Variants in GRIK1 observed in about 807,000 individuals in gnomAD.
The protein encoded by GRIK1 is glutamate receptor ionotropic, kainate 1.
A neutral mutation model predicts 105.7 loss-of-function variants in GRIK1; 69 were observed. The observed-to-expected ratio is 0.65, with a 90% CI of 0.54 to 0.80. GRIK1 has a LOEUF of 0.80. Ranked by LOEUF, GRIK1 falls within the 30% of genes least tolerant of loss-of-function variation. The pLI is 0.00. For synonymous variants in GRIK1, 438 were observed against 431.3 expected (o/e 1.02, Z -0.19); for missense variants, 1,109 against 1,167.3 (o/e 0.95, Z 0.73).
intron 1 of GRIK1, among the ~76,000 whole-genome samples, chr21:29,914,859 A>T (rs2070939223): frequency 6.6e-6 from 1 of 152,084 alleles, no homozygotes; most frequent in African/African-American, 2.4e-5. Flanking sequence ...CATTGAGATC[A>T]GGGTGTTCTT....
chr21:29,581,813 G>C (rs2091029266), intron 12 of GRIK1, among the ~76,000 whole-genome samples: 2 of 152,082 alleles, frequency 1.3e-5, no homozygotes, highest in African/African-American at 2.4e-5. Context: ...GAATTCTTCT[G>C]AGTTTTCATT....
At chr21:29,888,679 T>C (rs1265950326) in intron 1 of GRIK1, among the ~76,000 whole-genome samples, 1 of 152,206 alleles carries the variant, frequency 6.6e-6, no homozygotes, top group Non-Finnish European at 1.5e-5. Flanking sequence ...CAGTCAACTA[T>C]GCAATAATTG....
Position 29,583,938 on chromosome 21 carries a change from C to T in GRIK1, c.1794-2395G>A, listed in dbSNP as rs535346923. On this transcript the variant is annotated intron_variant, in intron 12 of 17. Coordinates refer to ENST00000327783, the MANE Select transcript of GRIK1 (RefSeq NM_001330994.2). ...TATATGACCTACACCAAAGATAATC[C>T]GAAACTGCTATCCCCAAATGACTCT... 5.3e-5 allele frequency among the ~76,000 whole-genome samples: 8 copies of T among 152,174 alleles called. No individual in the cohort carries two copies. The South Asian group carries it at 6.2e-4, about 12-fold the overall frequency.
At chr21:29,767,905 T>A (rs1385341092) in intron 1 of GRIK1, among the ~76,000 whole-genome samples, 2 of 146,290 alleles carry the variant, frequency 1.4e-5, no homozygotes, top group South Asian at 4.3e-4. Flanking sequence ...TGTGTGTGTA[T>A]GTATTCCATG....
At chr21:29,586,863 G>A (rs1309857803) in intron 12 of GRIK1, among the ~76,000 whole-genome samples, 2 of 152,050 alleles carry the variant, frequency 1.3e-5, no homozygotes, top group African/African-American at 2.4e-5. Context: ...ACTTTCTCAT[G>A]CCTTTAAAAA....
chr21:29,867,843 G>A (rs366312), intron 1 of GRIK1, among the ~76,000 whole-genome samples: 1,671 of 121,142 alleles, frequency 0.014, 35 homozygotes, highest in African/African-American at 0.029. Context: ...AAAGAAAGAA[G>A]GAAGGAAAGA....
intron 7 of GRIK1, among the ~76,000 whole-genome samples, chr21:29,612,424 G>A (rs1046570768): frequency 1.3e-5 from 2 of 152,158 alleles, no homozygotes; most frequent in African/African-American, 4.8e-5. Flanking sequence ...GACTTTTGCT[G>A]ACTTCAGATT....
At chr21:29,553,750 A>C in intron 16 of GRIK1, 21 of 1,255,474 alleles carry the variant, frequency 1.7e-5, no homozygotes, top group Non-Finnish European at 2.2e-5. Flanking sequence ...AAATGAATAA[A>C]TCAGAAGCAA....
chr21:29,650,383 A>T (rs1236396680), intron 6 of GRIK1, among the ~76,000 whole-genome samples: 1 of 152,228 alleles, frequency 6.6e-6, no homozygotes, highest in Admixed American at 6.5e-5. Context: ...TTCCCCTTAG[A>T]TGGCTCCCAT....
intron 4 of GRIK1, among the ~76,000 whole-genome samples, chr21:29,663,762 T>C (rs2063010362): frequency 6.6e-6 from 1 of 152,266 alleles, no homozygotes; most frequent in Middle Eastern, 3.4e-3. Context: ...CCTTTATTCT[T>C]AATGCAACAT....
rs546857773 is a variant in GRIK1 at position 29,814,107 on chromosome 21, A to T, written c.119-120044T>A. 2.5e-3 allele frequency among the ~76,000 whole-genome samples: 368 copies of T among 145,526 alleles called. 2 individuals are homozygous for T. The highest frequency in any genetic ancestry group is 9.1e-3 in the African/African-American group (362 of 39,660). ...TATATATATATAAAATAATAATAATAATAATAATTATTATTTTTTTTTTTG... is the reference window on the plus strand; with the variant it reads ...TATATATATATAAAATAATAATAATTATAATAATTATTATTTTTTTTTTTG... On this transcript the variant is annotated intron_variant, in intron 1 of 17. Coordinates refer to ENST00000327783, the MANE Select transcript of GRIK1 (RefSeq NM_001330994.2).
intron 16 of GRIK1, among the ~76,000 whole-genome samples, chr21:29,550,387 CT>C (rs773486725): frequency 6.6e-6 from 1 of 152,180 alleles, no homozygotes; most frequent in African/African-American, 2.4e-5. Context: ...GGCTCTACCT[CT>C]GCAATCAATC....
At chr21:29,854,322 T>C (rs459368) in intron 1 of GRIK1, among the ~76,000 whole-genome samples, 133,333 of 151,904 alleles carry the variant, frequency 0.88, 59,517 homozygotes, top group Non-Finnish European at 0.96. Flanking sequence ...GAGATATTTG[T>C]TCCCATGACC....
At chr21:29,791,692 T>C (rs1395691151) in intron 1 of GRIK1, among the ~76,000 whole-genome samples, 1 of 152,126 alleles carries the variant, frequency 6.6e-6, no homozygotes, top group African/African-American at 2.4e-5. Flanking sequence ...TCTAATAGTC[T>C]AGTAAAAGCA....
chr21:29,930,385 C>T (rs774806391), intron 1 of GRIK1, among the ~76,000 whole-genome samples: 63 of 152,118 alleles, frequency 4.1e-4, no homozygotes, highest in Admixed American at 1.3e-4. Flanking sequence ...AAAAAGAAAA[C>T]CTTTAAAAGT....
intron 7 of GRIK1, among the ~76,000 whole-genome samples, chr21:29,618,950 A>G (rs1012449979): frequency 6.6e-6 from 1 of 151,338 alleles, no homozygotes; most frequent in African/African-American, 2.4e-5. Flanking sequence ...ACAAGGTGAA[A>G]CCCCGTCTCT....
At chr21:29,593,662 A>G (rs2061363431) in intron 9 of GRIK1, among the ~76,000 whole-genome samples, 1 of 152,216 alleles carries the variant, frequency 6.6e-6, no homozygotes. Flanking sequence ...TTAAGTAAGT[A>G]TTGAAGGGTG....
chr21:29,802,230 G>A (rs1225190894), intron 1 of GRIK1, among the ~76,000 whole-genome samples: 1 of 152,082 alleles, frequency 6.6e-6, no homozygotes, highest in African/African-American at 2.4e-5. Flanking sequence ...TAAATGTCAA[G>A]CCCTGCTATT....
intron 16 of GRIK1, among the ~76,000 whole-genome samples, chr21:29,545,066 C>G (rs1200633887): frequency 6.6e-6 from 1 of 151,912 alleles, no homozygotes; most frequent in Non-Finnish European, 1.5e-5. Flanking sequence ...TGAAACTGTC[C>G]TCTGAGACTC....
Sources: allele counts gnomAD v4.1 joint callset (sites outside exome capture counted in the v4.1 genomes callset), GRCh38; gene constraint gnomAD v4.1.1; transcripts MANE v1.5; gene names NCBI Gene and HGNC (gene_info 2026-07-23, HGNC 2026-07-21).